INPP5E: variants seen among roughly 807,000 people sequenced by gnomAD.
The protein encoded by INPP5E is phosphatidylinositol polyphosphate 5-phosphatase type IV.
Under a neutral mutation model 50.5 loss-of-function variants are expected in INPP5E, and 34 were observed. The ratio of observed to expected loss-of-function variants is 0.67; its 90% confidence interval spans 0.51 to 0.90. The LOEUF is 0.90. Ranked by LOEUF, INPP5E falls within the 40% of genes least tolerant of loss-of-function variation. The pLI is 0.00. For synonymous variants in INPP5E, 447 were observed against 406.0 expected (o/e 1.10, Z -1.21); for missense variants, 942 against 905.5 (o/e 1.04, Z -0.52).
intron 3 of INPP5E, 23 bp from the exon 4 acceptor site, chr9:136,433,302 G>C (rs777670476): frequency 1.9e-6 from 3 of 1,563,056 alleles, no homozygotes; most frequent in Admixed American, 1.8e-5. Context: ...AAGCACGGCC[G>C]GCTGGGGGAC....
chr9:136,431,191 C>T (rs1835691282), intron 7 of INPP5E, 74 bp from the exon 8 acceptor site: 11 of 895,988 alleles, frequency 1.2e-5, no homozygotes, highest in Non-Finnish European at 1.8e-5. Context: ...CCTCACCTCT[C>T]CTCATCTCCC....
rs769176351 is a variant in INPP5E at position 136,439,052 on chromosome 9, G to T, written c.368C>A (p.Ala123Asp). 3 of 1,569,486 alleles carry T rather than the reference G, an allele frequency of 1.9e-6. No homozygotes were observed. The East Asian group carries it at 7.0e-5, about 37-fold the overall frequency. ...GGGCGGGGAGCAGCTGTGGGCGGGG[G>T]CCCCGGGGCCCTCGCTCTGCACTGA... ...RGSVQSEGPG[A>D]PAHSCSPPCL... Residue 123 changes from alanine to aspartate, a missense_variant, in exon 1 of 10, where the codon GCC becomes GAC. Ala to Asp is a moderately radical substitution (Grantham distance 126, BLOSUM62 -2). Transcript: ENST00000371712.
chr9:136,435,000 C>T (rs574635885), intron 1 of INPP5E, 137 bp from the exon 2 acceptor site: 83 of 1,070,198 alleles, frequency 7.8e-5, no homozygotes, highest in Non-Finnish European at 8.9e-5. Flanking sequence ...ACTCTCCTGG[C>T]CCCCGCGGCA....
At chr9:136,434,973 C>A in intron 1 of INPP5E, 110 bp from the exon 2 acceptor site, 1 of 1,372,020 alleles carries the variant, frequency 7.3e-7, no homozygotes, top group South Asian at 1.3e-5. Context: ...AGGAGCTGCC[C>A]CCAGCCCCAA....
At chr9:136,432,442 C>A in intron 6 of INPP5E, 37 bp downstream of exon 6, 1 of 1,402,476 alleles carries the variant, frequency 7.1e-7, no homozygotes, top group African/African-American at 1.4e-5. Flanking sequence ...GTGCGAACCA[C>A]GGCGGCACCA....
In INPP5E at chr9:136,439,616, C is replaced by A; in HGVS notation, c.-197G>T. 2.7e-6 allele frequency: 1 copy of A among 375,224 alleles called. No homozygotes were observed. Among genetic ancestry groups the A allele is most frequent in the Non-Finnish European group, 4.7e-6 (1 of 213,712 alleles). The allele number at this position is 375,224 out of a possible 1,614,324, so 23.2% of individuals were successfully genotyped here. On this transcript the variant is annotated 5_prime_UTR_variant, in exon 1 of 10. Transcript: ENST00000371712. ...CCCGAGTCCCGCCAGCCCCTCGGGG[C>A]TCCCAGACGCCGTTCCCAGGGCGGT...
In INPP5E at chr9:136,439,392, G is replaced by A. The variant is rs1195255984; in HGVS notation, c.28C>T (p.Pro10Ser). MPSKAENLR[P>S]SEPAPQPPEG... ...GGCGGCTGCGGGGCCGGCTCGGAGG[G>A]CCGCAGATTCTCCGCCTTGGACGGC... Residue 10 changes from proline (P) to serine (S), a missense_variant, in exon 1 of 10, where the codon CCC becomes TCC. By Grantham distance (74) the Pro-to-Ser change is moderately conservative. Coordinates refer to ENST00000371712, the MANE Select transcript of INPP5E (RefSeq NM_019892.6). 1 of 1,465,350 alleles carries A rather than the reference G, an allele frequency of 6.8e-7. No homozygotes were observed. Among genetic ancestry groups the A allele is most frequent in the South Asian group, 1.3e-5 (1 of 75,734 alleles). 90.8% of individuals were successfully genotyped at this position (1,465,350 alleles called of 1,614,324 possible). A position where few individuals can be genotyped will look rare whatever the true frequency, so the allele number is the denominator to read the frequency against.
At chr9:136,433,783 C>T (rs540777730) in intron 3 of INPP5E, among the ~76,000 whole-genome samples, 5 of 152,376 alleles carry the variant, frequency 3.3e-5, no homozygotes, top group Admixed American at 2.0e-4. Context: ...CCCACCCAGG[C>T]GTGGAGGCTG....
chr9:136,430,551 T>C (rs1835676876), intron 8 of INPP5E, 138 bp from the exon 9 acceptor site: 2 of 1,074,198 alleles, frequency 1.9e-6, no homozygotes, highest in East Asian at 2.6e-5. Context: ...GCCCATTTTG[T>C]TGCCTGGCGT....
chr9:136,439,089 G>T lies in INPP5E; in HGVS notation c.331C>A (p.Pro111Thr). ...TCGCTCTGCACTGAGCCCCTGGAGGGACTGGTCCCATTCCGGGCTTCCAGG... is the reference window on the plus strand; with the variant it reads ...TCGCTCTGCACTGAGCCCCTGGAGGTACTGGTCCCATTCCGGGCTTCCAGG... ...EDLEARNGTS[P>T]SRGSVQSEGP... Residue 111 changes from proline to threonine, a missense_variant, in exon 1 of 10, where the codon CCC becomes ACC. Physicochemically the swap from Pro to Thr is conservative, Grantham distance 38. Transcript: ENST00000371712. The T allele has an allele frequency of 6.3e-7, 1 of 1,576,836 alleles. No individual in the cohort carries two copies. Among genetic ancestry groups the T allele is most frequent in the Non-Finnish European group, 8.6e-7 (1 of 1,162,562 alleles).
In INPP5E at chr9:136,438,734, C is replaced by T. The variant is rs768453555; in HGVS notation, c.686G>A (p.Arg229Gln). 2 of 1,610,646 alleles carry T rather than the reference C, an allele frequency of 1.2e-6. No homozygotes were observed. Among genetic ancestry groups the T allele is most frequent in the South Asian group, 2.2e-5 (2 of 90,904 alleles). Residue 229 changes from arginine to glutamine, a missense_variant, in exon 1 of 10, where the codon CGG (arginine) becomes CAG (glutamine). Arg to Gln is a conservative substitution (Grantham distance 43). Coordinates refer to ENST00000371712, the MANE Select transcript of INPP5E (RefSeq NM_019892.6). Reference sequence around the variant, plus strand: ...GCCGGGGCCCAGGCTGCTGTGGGCCCGCACCAGGAGCGGCTGCGCGCGGAG... The same window carrying T: ...GCCGGGGCCCAGGCTGCTGTGGGCCTGCACCAGGAGCGGCTGCGCGCGGAG... Reference protein sequence around the residue: ...YKLRAQPLLVRAHSSLGPGRP... With the variant: ...YKLRAQPLLVQAHSSLGPGRP...
intron 1 of INPP5E, 91 bp from the exon 2 acceptor site, chr9:136,434,954 T>C: frequency 2.7e-6 from 4 of 1,481,066 alleles, no homozygotes; most frequent in Non-Finnish European, 3.7e-6. Context: ...GCAAAACCCA[T>C]GGAATGTCAG....
At chr9:136,430,157 C>T in intron 9 of INPP5E, 120 bp downstream of exon 9, 20 of 1,302,860 alleles carry the variant, frequency 1.5e-5, no homozygotes, top group Non-Finnish European at 2.1e-5. Flanking sequence ...GGAACACAGC[C>T]CTGAAGGTCC....
chr9:136,439,153 C>T lies in INPP5E; in HGVS notation c.267G>A (p.Lys89=). 2 of 1,575,088 alleles carry T rather than the reference C, an allele frequency of 1.3e-6. No individual in the cohort carries two copies. The highest frequency in any genetic ancestry group is 1.7e-6 in the Non-Finnish European group (2 of 1,165,410). ...CTCGAAAACGCCTCCTCCTCCAGCCCTTGTCGTCCAGGGACAGGGCTCGCT... is the reference window on the plus strand; with the variant it reads ...CTCGAAAACGCCTCCTCCTCCAGCCTTTGTCGTCCAGGGACAGGGCTCGCT... The part of the protein sequence containing the change: ...RLERALSLDD[K]GWRRRRFRGS... Residue 89 remains lysine (K), a synonymous_variant, in exon 1 of 10, where the codon AAG becomes AAA. Transcript: ENST00000371712.
At chr9:136,433,790 G>A (rs1835767141) in intron 3 of INPP5E, among the ~76,000 whole-genome samples, 1 of 152,238 alleles carries the variant, frequency 6.6e-6, no homozygotes, top group Non-Finnish European at 1.5e-5. Flanking sequence ...AGGCGTGGAG[G>A]CTGCCCGTGC....
chr9:136,433,913 C>T lies in INPP5E; in HGVS notation c.1034+124G>A, dbSNP rs1322382706. 18 of 778,810 alleles carry T rather than the reference C, an allele frequency of 2.3e-5. No individual in the cohort carries two copies. The South Asian group carries it at 2.6e-4, about 11-fold the overall frequency. The allele number at this position is 778,810 out of a possible 1,614,324, so 48.2% of individuals were successfully genotyped here. On this transcript the variant is annotated intron_variant, in intron 3 of 9. Transcript: ENST00000371712. ...CGGGTATCAGCGCCCAGCAGCTTCA[C>T]AGATGGCAGCCCCCGGGCAGGCACT...
intron 1 of INPP5E, chr9:136,436,894 TCCACGTCAA>T (rs935379477): frequency 5.9e-5 from 9 of 152,224 alleles, no homozygotes; most frequent in African/African-American, 2.2e-4. Context: ...GGTTAAAGGA[TCCACGTCAA>T]CCCTCGTTTC....
At chr9:136,430,805 C>T (rs1406032165) in intron 8 of INPP5E, among the ~76,000 whole-genome samples, 197 bp downstream of exon 8, 1 of 152,130 alleles carries the variant, frequency 6.6e-6, no homozygotes, top group East Asian at 1.9e-4. Flanking sequence ...TGCCAGCCGG[C>T]TCACCCAGCC....
In INPP5E at chr9:136,429,248, G is replaced by A; in HGVS notation, c.*427C>T. On this transcript the variant is annotated 3_prime_UTR_variant, in exon 10 of 10. Coordinates refer to ENST00000371712, the MANE Select transcript of INPP5E (RefSeq NM_019892.6). ...TGGGGTGGTGTGTGTTTGAGGGGCT[G>A]CCAGGAGGACACAGATGGACGCCTG... The A allele has an allele frequency of 3.1e-6, 1 of 319,154 alleles. No homozygotes were observed. Among genetic ancestry groups the A allele is most frequent in the Non-Finnish European group, 6.2e-6 (1 of 162,080 alleles). The allele number at this position is 319,154 out of a possible 1,614,324, so 19.8% of individuals were successfully genotyped here.
Sources: gnomAD v4.1 joint callset for allele counts (sites outside exome capture counted in the v4.1 genomes callset) on GRCh38, gnomAD v4.1.1 for gene constraint, MANE v1.5 for transcripts, NCBI Gene and HGNC (gene_info 2026-07-23, HGNC 2026-07-21) for gene names.